Variants in SHISA9 observed in about 807,000 individuals in gnomAD.
SHISA9 encodes protein shisa-9.
In SHISA9, 13 loss-of-function variants were observed where a neutral mutation model predicts 38.0. The ratio of observed to expected loss-of-function variants is 0.34; its 90% CI spans 0.22 to 0.54. The LOEUF is 0.54. SHISA9 is among the 20% of genes least tolerant of loss of function. The pLI is 0.91. For missense variants in SHISA9, 538 were observed against 575.8 expected (o/e 0.93, Z 0.67); for synonymous variants, 275 against 242.0 (o/e 1.14, Z -1.27).
the SHISA9 span, among the ~76,000 whole-genome samples, chr16:13,545,744 C>T: frequency 1.3e-5 from 2 of 152,156 alleles, no homozygotes; most frequent in African/African-American, 4.8e-5. Flanking sequence ...TGCTCAGGAT[C>T]CTCTCCCTCT....
At chr16:13,131,447 C>T (rs1372474818) in intron 2 of SHISA9, among the ~76,000 whole-genome samples, 12 of 151,972 alleles carry the variant, frequency 7.9e-5, no homozygotes, top group Admixed American at 7.2e-4. Flanking sequence ...GGGTGGACAA[C>T]ACACACTGGG....
chr16:13,005,146 G>T (rs1441420642), intron 2 of SHISA9, among the ~76,000 whole-genome samples: 1 of 152,024 alleles, frequency 6.6e-6, no homozygotes, highest in East Asian at 1.9e-4. Flanking sequence ...TGTGGAGTTG[G>T]TGGAGGGAAG....
chr16:13,524,406 C>T, the SHISA9 span, among the ~76,000 whole-genome samples: 1 of 152,190 alleles, frequency 6.6e-6, no homozygotes, highest in African/African-American at 2.4e-5. Context: ...AAGTATGCAA[C>T]CCAGTCAATC....
chr16:13,241,081 T>G (rs2051431592), downstream of SHISA9, among the ~76,000 whole-genome samples: 1 of 152,168 alleles, frequency 6.6e-6, no homozygotes, highest in Non-Finnish European at 1.5e-5. Flanking sequence ...CACAGAATCA[T>G]CCTGCCCAAG....
chr16:13,090,641 T>C (rs1196870905), intron 2 of SHISA9, among the ~76,000 whole-genome samples: 1 of 152,234 alleles, frequency 6.6e-6, no homozygotes, highest in African/African-American at 2.4e-5. Context: ...GTTTTTTTGC[T>C]TTCCATTTGC....
At chr16:13,353,994 T>C in the SHISA9 span, among the ~76,000 whole-genome samples, 1 of 151,020 alleles carries the variant, frequency 6.6e-6, no homozygotes, top group Non-Finnish European at 1.5e-5. Context: ...TCTCACACCC[T>C]GTAGGAAAGG....
intron 2 of SHISA9, among the ~76,000 whole-genome samples, chr16:13,109,301 C>G (rs144743238): frequency 3.3e-5 from 5 of 152,104 alleles, no homozygotes; most frequent in Non-Finnish European, 5.9e-5. Context: ...GCTGGAACTG[C>G]GGGCAGGCAT....
the SHISA9 span, among the ~76,000 whole-genome samples, chr16:13,462,383 A>G: frequency 6.6e-5 from 10 of 152,382 alleles, no homozygotes; most frequent in African/African-American, 2.4e-4. Flanking sequence ...GGAAACTAAC[A>G]GATCACTCAA....
intron 2 of SHISA9, among the ~76,000 whole-genome samples, chr16:12,969,265 C>A (rs994862142): frequency 1.3e-5 from 2 of 151,722 alleles, no homozygotes; most frequent in Admixed American, 6.6e-5. Context: ...CTACAGTGAA[C>A]CTGCCATGGA....
At chr16:13,384,932 G>T in the SHISA9 span, among the ~76,000 whole-genome samples, 6 of 152,110 alleles carry the variant, frequency 3.9e-5, no homozygotes, top group Non-Finnish European at 8.8e-5. Context: ...ATCTGGTAAA[G>T]AAGTAGTATC....
At chr16:12,935,142 A>G (rs559606777) in intron 2 of SHISA9, among the ~76,000 whole-genome samples, 1 of 152,312 alleles carries the variant, frequency 6.6e-6, no homozygotes, top group East Asian at 1.9e-4. Context: ...CAGTCTCACC[A>G]AAACTGCACA....
chr16:12,938,251 C>T (rs1056238963), intron 2 of SHISA9, among the ~76,000 whole-genome samples: 5 of 152,214 alleles, frequency 3.3e-5, no homozygotes, highest in African/African-American at 4.8e-5. Context: ...AGAAGCTCAG[C>T]AGCCTGGGGG....
the SHISA9 span, among the ~76,000 whole-genome samples, chr16:13,405,717 A>T: frequency 1.3e-5 from 2 of 152,184 alleles, no homozygotes; most frequent in East Asian, 3.9e-4. Context: ...AAGCAAGAAC[A>T]TGTGGTATTT....
chr16:13,037,745 AG>A (rs1345733393), intron 2 of SHISA9, among the ~76,000 whole-genome samples: 1 of 152,182 alleles, frequency 6.6e-6, no homozygotes, highest in Admixed American at 6.5e-5. Context: ...TTTTGACCTT[AG>A]AACGTTATAG....
At chr16:13,102,926 G>C (rs2073892974) in intron 2 of SHISA9, among the ~76,000 whole-genome samples, 1 of 152,208 alleles carries the variant, frequency 6.6e-6, no homozygotes, top group Non-Finnish European at 1.5e-5. Flanking sequence ...AAGTTCATGG[G>C]TTGGCAGAGG....
chr16:12,910,630 A>T, intron 1 of SHISA9: 2 of 985,486 alleles, frequency 2.0e-6, no homozygotes, highest in Non-Finnish European at 2.4e-6. Context: ...ATGTTTCAAC[A>T]TAATTGTTGT....
chr16:13,374,273 C>T, the SHISA9 span, among the ~76,000 whole-genome samples: 9 of 151,670 alleles, frequency 5.9e-5, no homozygotes, highest in South Asian at 1.7e-3. Flanking sequence ...CCCGTTAACT[C>T]GTCATTTACA....
intron 4 of SHISA9, among the ~76,000 whole-genome samples, chr16:13,231,802 AT>A (rs1437056524): frequency 6.6e-6 from 1 of 152,162 alleles, no homozygotes; most frequent in Non-Finnish European, 1.5e-5. Flanking sequence ...ACAGGGACAT[AT>A]TTTTGTTTCA....
At chr16:13,270,358 A>C in the SHISA9 span, among the ~76,000 whole-genome samples, 75 of 152,280 alleles carry the variant, frequency 4.9e-4, 1 homozygote, top group East Asian at 0.012. Flanking sequence ...GGGCACCTCC[A>C]CTGGAATTTT....
Sources: gnomAD v4.1 joint callset for allele counts (sites outside exome capture counted in the v4.1 genomes callset) on GRCh38, gnomAD v4.1.1 for gene constraint, MANE v1.5 for transcripts, NCBI Gene and HGNC (gene_info 2026-07-23, HGNC 2026-07-21) for gene names.